CDK6: variants seen among roughly 807,000 people sequenced by gnomAD.
CDK6 encodes the protein cyclin dependent kinase 6.
CDK6 carries 6 observed loss-of-function variants against 37.1 expected under a neutral mutation model. The observed-to-expected ratio is 0.16, with a 90% CI of 0.09 to 0.32. CDK6 has a LOEUF of 0.32. Ranked by LOEUF, CDK6 falls within the 10% of genes least tolerant of loss-of-function variation. The pLI is 1.00. For synonymous variants in CDK6, 160 were observed against 161.3 expected, an observed-to-expected ratio of 0.99 and a Z score of 0.06; for missense variants, 224 against 418.9, an observed-to-expected ratio of 0.53 and a Z score of 4.06.
In CDK6 at chr7:92,748,926, G is replaced by C. The variant is rs1446141224; in HGVS notation, c.370-23133C>G. 3.3e-5 allele frequency among the ~76,000 whole-genome samples: 5 copies of C among 152,252 alleles called. No individual in the cohort carries two copies. In the East Asian group the frequency reaches 9.7e-4, roughly 29 times the overall value. On this transcript the variant is annotated intron_variant, in intron 3 of 7. Coordinates refer to ENST00000424848, the MANE Select transcript of CDK6 (RefSeq NM_001145306.2). The stretch of plus-strand genomic sequence containing the variant: ...ATGCCTGAAATCCCAACACGGCTGG[G>C]CGCGATGGCTCACACCTGTAATCCC...
At chr7:92,694,761 T>C (rs1457917268) in intron 4 of CDK6, among the ~76,000 whole-genome samples, 2 of 152,106 alleles carry the variant, frequency 1.3e-5, no homozygotes, top group Non-Finnish European at 2.9e-5. Flanking sequence ...GCATCCAAAT[T>C]TATTACAAAA....
intron 5 of CDK6, among the ~76,000 whole-genome samples, chr7:92,668,544 G>C (rs1214174879): frequency 6.6e-6 from 1 of 152,206 alleles, no homozygotes; most frequent in East Asian, 1.9e-4. Flanking sequence ...TGGGTACCCA[G>C]AGTTTAGAAG....
chr7:92,750,895 C>T (rs983556107), intron 3 of CDK6, among the ~76,000 whole-genome samples: 3 of 152,190 alleles, frequency 2.0e-5, no homozygotes, highest in Non-Finnish European at 4.4e-5. Context: ...GAGTTTTCAA[C>T]AGCTAATAAG....
At chr7:92,691,842 T>C (rs1797606387) in intron 4 of CDK6, among the ~76,000 whole-genome samples, 2 of 152,210 alleles carry the variant, frequency 1.3e-5, no homozygotes, top group South Asian at 4.1e-4. Flanking sequence ...TACAGGGAAG[T>C]ACTTTAACTG....
At chr7:92,647,590 C>T (rs954055493) in intron 5 of CDK6, among the ~76,000 whole-genome samples, 4 of 152,178 alleles carry the variant, frequency 2.6e-5, no homozygotes, top group East Asian at 1.9e-4. Flanking sequence ...ACTCATTCAA[C>T]GAATCTTTAT....
chr7:92,668,353 G>C (rs914857643), intron 5 of CDK6, among the ~76,000 whole-genome samples: 1 of 152,110 alleles, frequency 6.6e-6, no homozygotes, highest in Non-Finnish European at 1.5e-5. Context: ...ACATAACCCT[G>C]TCGTTAAGCA....
At chr7:92,789,148 T>C (rs1281164106) in intron 2 of CDK6, among the ~76,000 whole-genome samples, 2 of 151,994 alleles carry the variant, frequency 1.3e-5, no homozygotes, top group Non-Finnish European at 2.9e-5. Flanking sequence ...AAAGAAGTGC[T>C]GGAAGAAAAA....
At chr7:92,750,840 A>G (rs1799171067) in intron 3 of CDK6, among the ~76,000 whole-genome samples, 1 of 152,180 alleles carries the variant, frequency 6.6e-6, no homozygotes, top group Non-Finnish European at 1.5e-5. Flanking sequence ...TTTACCTGGC[A>G]TAAAGGAAGT....
chr7:92,661,112 G>A (rs559197123), intron 5 of CDK6, among the ~76,000 whole-genome samples: 2 of 152,244 alleles, frequency 1.3e-5, no homozygotes, highest in Admixed American at 1.3e-4. Context: ...AAATGCTGCA[G>A]ACATCAAATG....
intron 2 of CDK6, among the ~76,000 whole-genome samples, chr7:92,828,848 T>C (rs1054954414): frequency 3.3e-5 from 5 of 152,154 alleles, no homozygotes; most frequent in Non-Finnish European, 7.4e-5. Context: ...CAGAATACCA[T>C]TGTGAAAATG....
chr7:92,756,448 C>A (rs150918007), intron 3 of CDK6, among the ~76,000 whole-genome samples: 4 of 152,228 alleles, frequency 2.6e-5, no homozygotes, highest in Non-Finnish European at 5.9e-5. Flanking sequence ...TTCTTCTATT[C>A]AAAGTTTTAA....
chr7:92,622,832 C>A (rs1441204180), intron 6 of CDK6, among the ~76,000 whole-genome samples: 1 of 152,054 alleles, frequency 6.6e-6, no homozygotes. Context: ...AACATACAAG[C>A]TTCCAGAGCA....
intron 4 of CDK6, among the ~76,000 whole-genome samples, chr7:92,683,553 T>TAGCTCATTC (rs1404981971): frequency 1.3e-5 from 2 of 152,240 alleles, no homozygotes; most frequent in East Asian, 1.9e-4. Flanking sequence ...CATGAAGGTA[T>TAGCTCATTC]AGCTCATTCA....
intron 3 of CDK6, among the ~76,000 whole-genome samples, chr7:92,731,837 C>T (rs1798658647): frequency 6.6e-6 from 1 of 151,862 alleles, no homozygotes; most frequent in Non-Finnish European, 1.5e-5. Context: ...AAATGAACAA[C>T]ATGAAAGAAT....
intron 5 of CDK6, among the ~76,000 whole-genome samples, chr7:92,628,397 G>A (rs751944097): frequency 6.6e-5 from 10 of 151,682 alleles, no homozygotes; most frequent in African/African-American, 9.7e-5. Context: ...TATTATATTC[G>A]TTTACCTGTT....
At chr7:92,769,591 A>T (rs1233843738) in intron 3 of CDK6, among the ~76,000 whole-genome samples, 1 of 152,244 alleles carries the variant, frequency 6.6e-6, no homozygotes, top group East Asian at 1.9e-4. Context: ...AAGCCAGGTC[A>T]TATCCTAGGA....
chr7:92,743,426 A>T (rs959484182), intron 3 of CDK6, among the ~76,000 whole-genome samples: 3 of 150,842 alleles, frequency 2.0e-5, no homozygotes, highest in Non-Finnish European at 4.4e-5. Flanking sequence ...ATAATAATAA[A>T]AAAAGAACTC....
At chr7:92,751,030 G>C (rs1421755030) in intron 3 of CDK6, among the ~76,000 whole-genome samples, 1 of 152,044 alleles carries the variant, frequency 6.6e-6, no homozygotes, top group Non-Finnish European at 1.5e-5. Flanking sequence ...TGACTTGGGA[G>C]GTCTTCGTAT....
At chr7:92,623,131 T>G (rs754391502) in intron 5 of CDK6, 45 bp from the exon 6 acceptor site, 1 of 1,234,898 alleles carries the variant, frequency 8.1e-7, no homozygotes, top group South Asian at 1.3e-5. Context: ...GTTCTCAGAT[T>G]ACATTTCAAT....
Sources: gnomAD v4.1 joint callset for allele counts (sites outside exome capture counted in the v4.1 genomes callset) on GRCh38, gnomAD v4.1.1 for gene constraint, MANE v1.5 for transcripts, NCBI Gene and HGNC (gene_info 2026-07-23, HGNC 2026-07-21) for gene names.